DSG2: variants seen among roughly 807,000 people sequenced by gnomAD.
The protein encoded by DSG2 is desmoglein-2.
DSG2 carries 45 observed loss-of-function variants against 75.6 expected under a neutral mutation model. The ratio of observed to expected loss-of-function variants is 0.60; its 90% CI spans 0.47 to 0.76. The LOEUF (loss-of-function observed/expected upper bound fraction) is 0.76, where lower values mean the gene tolerates loss of function less well. Ranked by LOEUF, DSG2 falls within the 30% of genes least tolerant of loss-of-function variation. The probability of loss-of-function intolerance (pLI) is 0.00; values close to 1 mark genes in which losing one functional copy is unlikely to be tolerated. For synonymous variants in DSG2, 429 were observed against 483.9 expected, an observed-to-expected ratio of 0.89 and a Z score of 1.49; for missense variants, 1,267 against 1,357.4, an observed-to-expected ratio of 0.93 and a Z score of 1.05.
chr18:31,519,969 C>T, intron 3 of DSG2, 32 bp downstream of exon 3: 1 of 1,613,830 alleles, frequency 6.2e-7, no homozygotes, highest in South Asian at 1.1e-5. Context: ...GAAATACATG[C>T]ATATGACTAA....
At chr18:31,527,673 A>G (rs899204593) in intron 8 of DSG2, among the ~76,000 whole-genome samples, 3 of 152,370 alleles carry the variant, frequency 2.0e-5, no homozygotes, top group Admixed American at 2.0e-4. Context: ...AAATCAAATT[A>G]AAACTATAAG....
intron 1 of DSG2, among the ~76,000 whole-genome samples, chr18:31,499,708 A>G (rs1469774690): frequency 6.6e-6 from 1 of 152,176 alleles, no homozygotes; most frequent in South Asian, 2.1e-4. Flanking sequence ...AGAGTTACAT[A>G]TTCTTTCCAT....
chr18:31,507,497 C>T (rs533842820), intron 1 of DSG2, among the ~76,000 whole-genome samples: 23 of 152,284 alleles, frequency 1.5e-4, no homozygotes, highest in Middle Eastern at 6.8e-3. Flanking sequence ...CTTGATGAAT[C>T]GCCACACTGT....
intron 1 of DSG2, among the ~76,000 whole-genome samples, chr18:31,511,531 A>G (rs967846585): frequency 2.6e-5 from 4 of 152,218 alleles, no homozygotes; most frequent in Non-Finnish European, 5.9e-5. Flanking sequence ...CAGTCAAATA[A>G]ACAGACAGTT....
At chr18:31,512,021 C>CTAATATGCATCCCAGTTCCT (rs1354289342) in intron 1 of DSG2, among the ~76,000 whole-genome samples, 29 of 152,196 alleles carry the variant, frequency 1.9e-4, no homozygotes, top group African/African-American at 6.5e-4. Context: ...TACAAAACCT[C>CTAATATGCATCCCAGTTCCT]TAATATGCAT....
At chr18:31,528,696 C>G (rs1475798742) in intron 8 of DSG2, among the ~76,000 whole-genome samples, 1 of 129,364 alleles carries the variant, frequency 7.7e-6, no homozygotes, top group Non-Finnish European at 1.6e-5. Context: ...AGAGACAGAG[C>G]AAGACTCCAT....
intron 5 of DSG2, 56 bp downstream of exon 5, chr18:31,521,299 C>G: frequency 6.7e-7 from 1 of 1,496,296 alleles, no homozygotes; most frequent in Non-Finnish European, 9.1e-7. Context: ...ACTTTATCCC[C>G]ACTGTAAATA....
intron 13 of DSG2, among the ~76,000 whole-genome samples, chr18:31,541,892 A>G (rs1008539402): frequency 6.6e-6 from 1 of 152,214 alleles, no homozygotes. Context: ...CAAGATCAAC[A>G]TGATGATTCA....
rs2073222443 is a variant in DSG2, at chr18:31,535,320, C to T, written c.1331C>T (p.Thr444Ile). The change falls in exon 10 of 15, where the codon ACA becomes ATA. Residue 444 changes from threonine (T) to isoleucine (I), a missense_variant. Coordinates refer to ENST00000261590, the MANE Select transcript of DSG2 (RefSeq NM_001943.5). ...AATTGGATCTCTGTGGATTCTGTCA[C>T]ATCTGAAATTAAACTTGCAAAACTT... ...RDNWISVDSV[T>I]SEIKLAKLPD... is the part of the protein sequence containing the mutation. 1.3e-6 allele frequency: 2 copies of T among 1,599,422 alleles called. No individual in the cohort carries two copies. Among genetic ancestry groups the T allele is most frequent in the Non-Finnish European group, 1.7e-6 (2 of 1,167,508 alleles).
Position 31,521,237 on chromosome 18 carries a change from G to A in DSG2, c.517G>A (p.Ala173Thr). 1 of 1,612,188 alleles carries A rather than the reference G, an allele frequency of 6.2e-7. No homozygotes were observed. The highest frequency in any genetic ancestry group is 1.1e-5 in the South Asian group (1 of 90,844). Residue 173 changes from alanine to threonine, a missense_variant, in exon 5 of 15, where the codon GCA becomes ACA. By Grantham distance (58) the Ala-to-Thr change is moderately conservative. Coordinates refer to ENST00000261590, the MANE Select transcript of DSG2 (RefSeq NM_001943.5). ...VFVGSVEELSAAHTLVMKINA... is the reference protein window; with the variant it reads ...VFVGSVEELSTAHTLVMKINA... ...TGTTGGGTCTGTTGAAGAGTTGAGTGCAGCACGTAAGAGTCTTTTTTTTTT... is the reference window on the plus strand; with the variant it reads ...TGTTGGGTCTGTTGAAGAGTTGAGTACAGCACGTAAGAGTCTTTTTTTTTT...
At chr18:31,540,963 T>C (rs555730687) in intron 12 of DSG2, among the ~76,000 whole-genome samples, 4 of 152,290 alleles carry the variant, frequency 2.6e-5, no homozygotes, top group South Asian at 4.1e-4. Flanking sequence ...CTCTTTTTGA[T>C]GAACAAGGCC....
intron 1 of DSG2, among the ~76,000 whole-genome samples, chr18:31,507,232 C>T (rs986818703): frequency 6.6e-6 from 1 of 152,198 alleles, no homozygotes; most frequent in South Asian, 2.1e-4. Flanking sequence ...CCAGCTTCAT[C>T]CATGTCCCTG....
rs1278738577 is a variant in DSG2 at position 31,545,812 on chromosome 18, C to T, written c.2426C>T (p.Ala809Val). ...YSQEETESLN[A>V]SIGCCSFIEG... ...CAGGAAGAAACTGAATCGCTGAATGCTTCTATTGGTTGTTGCAGTTTTATT... is the reference window on the plus strand; with the variant it reads ...CAGGAAGAAACTGAATCGCTGAATGTTTCTATTGGTTGTTGCAGTTTTATT... The change falls in exon 15 of 15, where the codon GCT becomes GTT. Residue 809 changes from alanine to valine, a missense_variant. Transcript: ENST00000261590. 4 of 1,614,144 alleles carry T rather than the reference C, an allele frequency of 2.5e-6. No individual in the cohort carries two copies. The highest frequency in any genetic ancestry group is 2.5e-6 in the Non-Finnish European group (3 of 1,180,026).
chr18:31,533,988 T>C (rs1298880127), intron 9 of DSG2, among the ~76,000 whole-genome samples: 2 of 133,636 alleles, frequency 1.5e-5, no homozygotes. Context: ...ATTTCTTTTT[T>C]TTCTTTTTTT....
chr18:31,511,693 A>G (rs968585805), intron 1 of DSG2, among the ~76,000 whole-genome samples: 1 of 152,228 alleles, frequency 6.6e-6, no homozygotes, highest in Non-Finnish European at 1.5e-5. Context: ...CCTAGATTCC[A>G]AGACAACCTT....
intron 10 of DSG2, 108 bp downstream of exon 10, chr18:31,535,520 G>C: frequency 9.7e-7 from 1 of 1,032,222 alleles, no homozygotes; most frequent in Non-Finnish European, 1.4e-6. Context: ...TCTCGGCCGG[G>C]AGCAGTGGCT....
intron 1 of DSG2, among the ~76,000 whole-genome samples, chr18:31,505,943 G>A (rs1261827688): frequency 6.6e-6 from 1 of 152,112 alleles, no homozygotes; most frequent in African/African-American, 2.4e-5. Context: ...GTGAGCCACC[G>A]CACCTGGCCG....
chr18:31,498,455 G>C (rs933405890), intron 1 of DSG2, among the ~76,000 whole-genome samples, 159 bp downstream of exon 1: 1 of 152,186 alleles, frequency 6.6e-6, no homozygotes, highest in Non-Finnish European at 1.5e-5. Flanking sequence ...GGCAGGCTGC[G>C]GCGAGATCCG....
Position 31,524,767 on chromosome 18 carries a change from C to A in DSG2, c.893C>A (p.Ala298Glu). 2 of 1,614,086 alleles carry A rather than the reference C, an allele frequency of 1.2e-6. No individual in the cohort carries two copies. The highest frequency in any genetic ancestry group is 1.7e-6 in the Non-Finnish European group (2 of 1,180,026). The change falls in exon 8 of 15, where the codon GCA (alanine) becomes GAA (glutamate). Residue 298 changes from alanine to glutamate, a missense_variant. Physicochemically the swap from Ala to Glu is moderately radical, Grantham distance 107. Transcript: ENST00000261590. Reference protein sequence around the residue: ...VEVTRIKVFDADEIGSDNWLA... With the variant: ...VEVTRIKVFDEDEIGSDNWLA... Reference sequence around the variant, plus strand: ...GTTACGCGCATAAAAGTGTTCGATGCAGATGAAATAGGTTCTGATAATTGG... The same window carrying A: ...GTTACGCGCATAAAAGTGTTCGATGAAGATGAAATAGGTTCTGATAATTGG...
Sources: allele counts gnomAD v4.1 joint callset (sites outside exome capture counted in the v4.1 genomes callset), GRCh38; gene constraint gnomAD v4.1.1; transcripts MANE v1.5; gene names NCBI Gene and HGNC (gene_info 2026-07-23, HGNC 2026-07-21).